MSN: variants seen among roughly 807,000 people sequenced by gnomAD.
The protein encoded by MSN is epididymis luminal protein 70.
Under a neutral mutation model 48.0 loss-of-function variants are expected in MSN, and 2 were observed. That is an observed-to-expected ratio of 0.04 (90% CI 0.02 to 0.13). The LOEUF (loss-of-function observed/expected upper bound fraction) is 0.13. Among genes scored for constraint, MSN ranks in the 10% least tolerant of loss-of-function variants. MSN has a pLI of 1.00. For missense variants in MSN, 267 were observed against 470.1 expected, an observed-to-expected ratio of 0.57 and a Z score of 3.99; for synonymous variants, 146 against 166.9, an observed-to-expected ratio of 0.87 and a Z score of 0.97.
intron 1 of MSN, among the ~76,000 whole-genome samples, chrX:65,716,344 C>T (rs867992714): frequency 2.7e-5 from 3 of 109,749 alleles, no homozygotes; most frequent in South Asian, 3.9e-4. Context: ...GGTGTGATCT[C>T]GGCTCACTGC....
At chrX:65,629,248 A>G (rs974352475) in intron 1 of MSN, among the ~76,000 whole-genome samples, 5 of 111,225 alleles carry the variant, frequency 4.5e-5, no homozygotes, top group African/African-American at 1.6e-4. Context: ...AACAAGAGTC[A>G]CTTTTGCTCC....
At chrX:65,620,203 A>G (rs2070423551) in intron 1 of MSN, among the ~76,000 whole-genome samples, 1 of 112,677 alleles carries the variant, frequency 8.9e-6, no homozygotes, top group Non-Finnish European at 1.9e-5. Flanking sequence ...CTACAGAGGC[A>G]GGCTGGCCTC....
At chrX:65,672,932 C>T (rs185569637) in intron 1 of MSN, among the ~76,000 whole-genome samples, 14 of 111,707 alleles carry the variant, frequency 1.3e-4, no homozygotes, top group East Asian at 1.1e-3. Flanking sequence ...AATTGAACAG[C>T]GCTTATTAAA....
chrX:65,729,348 T>G, intron 3 of MSN, 90 bp from the exon 4 acceptor site: 1 of 1,028,077 alleles, frequency 9.7e-7, no homozygotes, highest in African/African-American at 1.9e-5. Context: ...TGCAAATTGA[T>G]GATCTTTCAG....
intron 1 of MSN, among the ~76,000 whole-genome samples, chrX:65,682,232 C>G (rs2071063530): frequency 8.9e-6 from 1 of 112,181 alleles, no homozygotes; most frequent in African/African-American, 3.2e-5. Flanking sequence ...TAACTGTATA[C>G]TCTTTAGAGG....
chrX:65,607,075 A>AC (rs1320346254), intron 1 of MSN, among the ~76,000 whole-genome samples: 1 of 112,141 alleles, frequency 8.9e-6, no homozygotes, highest in Non-Finnish European at 1.9e-5. Flanking sequence ...GAGTATTTTC[A>AC]ATGGACCAGG....
intron 1 of MSN, among the ~76,000 whole-genome samples, chrX:65,615,225 T>A (rs1407412788): frequency 9.1e-6 from 1 of 109,365 alleles, no homozygotes; most frequent in Non-Finnish European, 1.9e-5. Flanking sequence ...TACCCAGTAA[T>A]GGGATGGCTG....
At chrX:65,615,153 T>C (rs1457176158) in intron 1 of MSN, among the ~76,000 whole-genome samples, 2 of 110,653 alleles carry the variant, frequency 1.8e-5, no homozygotes, top group Admixed American at 9.7e-5. Flanking sequence ...TGAATAATGC[T>C]ACAACAAACA....
chrX:65,735,786 G>A (rs1260139539), intron 8 of MSN, among the ~76,000 whole-genome samples: 1 of 112,213 alleles, frequency 8.9e-6, no homozygotes, highest in African/African-American at 3.2e-5. Flanking sequence ...CTTTTGTGAA[G>A]CTAGCATTCT....
chrX:65,655,070 G>T (rs2070772000), intron 1 of MSN, among the ~76,000 whole-genome samples: 1 of 110,951 alleles, frequency 9.0e-6, no homozygotes, highest in Non-Finnish European at 1.9e-5. Context: ...TGTATACACA[G>T]AGCCTAGTAC....
Position 65,721,312 on chromosome X carries a change from C to T in MSN, c.96+4411C>T, listed in dbSNP as rs185922708. Among the ~76,000 whole-genome samples, 266 of 112,514 alleles carry T rather than the reference C, an allele frequency of 2.4e-3. 3 individuals carry two copies. Among genetic ancestry groups the T allele is most frequent in the African/African-American group, 8.4e-3 (262 of 31,007 alleles). ...TGTGACCTTGGATGGCTCATTTAGCCTCTCAGTACTTTCCTTTCCTTTGTA... is the reference window on the plus strand; with the variant it reads ...TGTGACCTTGGATGGCTCATTTAGCTTCTCAGTACTTTCCTTTCCTTTGTA... On this transcript the variant is annotated intron_variant, in intron 2 of 12. Coordinates refer to ENST00000360270, the MANE Select transcript of MSN (RefSeq NM_002444.3).
chrX:65,642,350 GGTGTGTGTGTGTGTGT>G (rs61644801), intron 1 of MSN, among the ~76,000 whole-genome samples: 2 of 96,205 alleles, frequency 2.1e-5, no homozygotes, highest in Non-Finnish European at 4.2e-5. Context: ...TGTACATTAT[GGTGTGTGTGTGTGTGT>G]GTGTGTGTGT....
chrX:65,636,723 G>A (rs1257881378), intron 1 of MSN, among the ~76,000 whole-genome samples: 6 of 81,415 alleles, frequency 7.4e-5, no homozygotes, highest in South Asian at 1.2e-3. Flanking sequence ...CTCCGGGCTG[G>A]GCAACAAGAG....
chrX:65,609,450 T>C (rs777287255), intron 1 of MSN, among the ~76,000 whole-genome samples: 1 of 111,173 alleles, frequency 9.0e-6, no homozygotes, highest in East Asian at 2.8e-4. Context: ...GAAATGCCCA[T>C]TGCTATGAAC....
intron 1 of MSN, among the ~76,000 whole-genome samples, chrX:65,649,978 GA>G (rs1258749659): frequency 1.0e-4 from 10 of 95,948 alleles, no homozygotes; most frequent in South Asian, 5.0e-4. Flanking sequence ...ATATAGGTAT[GA>G]AAAAAAAAAC....
At position 65,741,629 on chromosome X, in the gene MSN, TC is replaced by T. The variant is rs1445801152; in HGVS notation, c.*1741del. 7 of 168,382 alleles carry T rather than the reference TC, an allele frequency of 4.2e-5. No homozygotes were observed. The highest frequency in any genetic ancestry group is 7.9e-5 in the Non-Finnish European group (7 of 88,337). The allele number at this position is 168,382 out of a possible 1,213,427, so 13.9% of individuals were successfully genotyped here. On this transcript the variant is annotated 3_prime_UTR_variant, in exon 13 of 13. Coordinates refer to ENST00000360270, the MANE Select transcript of MSN (RefSeq NM_002444.3). The stretch of plus-strand genomic sequence containing the variant: ...CCCCTAGCTTAGAGCCTCCCTCAAT[TC>T]CCCCTGGCCACCACCCCCCACTCTG...
intron 1 of MSN, among the ~76,000 whole-genome samples, chrX:65,614,902 T>A (rs1253444926): frequency 1.3e-5 from 1 of 77,777 alleles, no homozygotes; most frequent in Non-Finnish European, 2.3e-5. Flanking sequence ...CCCCTTCCTG[T>A]GTCCATGTGA....
intron 1 of MSN, among the ~76,000 whole-genome samples, chrX:65,636,023 C>G (rs1332326399): frequency 8.9e-6 from 1 of 111,916 alleles, no homozygotes. Context: ...AAAAAAGAAT[C>G]TCTTAAATCC....
At chrX:65,641,474 G>A (rs2070649069) in intron 1 of MSN, among the ~76,000 whole-genome samples, 3 of 93,462 alleles carry the variant, frequency 3.2e-5, no homozygotes, top group Admixed American at 1.2e-4. Flanking sequence ...AGGTTTCAGT[G>A]AGCCGAGATC....
Sources: allele counts gnomAD v4.1 joint callset (sites outside exome capture counted in the v4.1 genomes callset), GRCh38; gene constraint gnomAD v4.1.1; transcripts MANE v1.5; gene names NCBI Gene and HGNC (gene_info 2026-07-23, HGNC 2026-07-21).